The following BTBD3 variants were observed in gnomAD, a reference collection of about 807,000 sequenced individuals.
The protein encoded by BTBD3 is BTB domain containing 3, also known as BTB/POZ domain-containing protein 3.
A neutral mutation model predicts 41.6 loss-of-function variants in BTBD3; 14 were observed. That is an observed-to-expected ratio of 0.34 (90% CI 0.22 to 0.53). The LOEUF (loss-of-function observed/expected upper bound fraction) is 0.53. BTBD3 is among the 20% of genes least tolerant of loss of function. BTBD3 has a pLI of 0.95. For missense variants in BTBD3, 426 were observed against 654.7 expected, an observed-to-expected ratio of 0.65 and a Z score of 3.81; for synonymous variants, 249 against 233.7, an observed-to-expected ratio of 1.07 and a Z score of -0.60.
At chr20:11,905,457 A>G (rs767330171) in intron 1 of BTBD3, among the ~76,000 whole-genome samples, 9 of 152,222 alleles carry the variant, frequency 5.9e-5, no homozygotes, top group Non-Finnish European at 1.3e-4. Flanking sequence ...GTTTAATAAA[A>G]TCAATAATTT....
chr20:11,909,065 G>A (rs6131280), intron 1 of BTBD3, among the ~76,000 whole-genome samples: 110,474 of 151,776 alleles, frequency 0.73, 40,658 homozygotes, highest in Non-Finnish European at 0.78. Context: ...ACATGAGGTC[G>A]GGAGTTTGAG....
Position 11,918,406 on chromosome 20 carries a change from A to G in BTBD3, c.131A>G (p.Lys44Arg). The change falls in exon 1 of 4, where the codon AAG becomes AGG. Residue 44 changes from lysine (K) to arginine (R), a missense_variant. By Grantham distance (26) the Lys-to-Arg change is conservative. Around this residue, in one of 3 missense-constraint regions of BTBD3, gnomAD observed 53 missense variants for 74.8 expected, o/e 0.71. Coordinates refer to ENST00000378226, the MANE Select transcript of BTBD3 (RefSeq NM_014962.4). ...NTSSSSSNSSKLPPVCYEIIT... is the reference protein window; with the variant it reads ...NTSSSSSNSSRLPPVCYEIIT... The stretch of plus-strand genomic sequence containing the variant: ...AGCAGCAGCAGTAGCAACAGCAGCA[A>G]GTTGCCACCAGTTTGTTATGAAATA... The G allele has an allele frequency of 6.2e-7, 1 of 1,614,196 alleles. No homozygotes were observed. The highest frequency in any genetic ancestry group is 8.5e-7 in the Non-Finnish European group (1 of 1,180,028).
chr20:11,920,469 C>G (rs1006152013), intron 3 of BTBD3, among the ~76,000 whole-genome samples: 1 of 152,112 alleles, frequency 6.6e-6, no homozygotes, highest in South Asian at 2.1e-4. Flanking sequence ...GAAGAACTTT[C>G]ATTGGTAATA....
chr20:11,890,866 C>A, exon 1 of BTBD3: 16 of 985,120 alleles, frequency 1.6e-5, no homozygotes, highest in Non-Finnish European at 1.9e-5. Context: ...GGCGCTGGAT[C>A]TCCGAGTGCC....
At chr20:11,919,597 G>A in intron 2 of BTBD3, 121 bp from the exon 3 acceptor site, 1 of 1,212,834 alleles carries the variant, frequency 8.2e-7, no homozygotes, top group Non-Finnish European at 1.2e-6. Flanking sequence ...CTTTTTCAAA[G>A]CAGTAGATTT....
At chr20:11,922,386 G>C (rs994469544) in intron 3 of BTBD3, among the ~76,000 whole-genome samples, 1 of 152,150 alleles carries the variant, frequency 6.6e-6, no homozygotes, top group African/African-American at 2.4e-5. Flanking sequence ...ACTGAATGCA[G>C]CTTATAAAAT....
chr20:11,900,621 G>A (rs2056818100), intron 1 of BTBD3, among the ~76,000 whole-genome samples: 1 of 151,938 alleles, frequency 6.6e-6, no homozygotes, highest in African/African-American at 2.4e-5. Flanking sequence ...GATAGAGAAG[G>A]ACTTCTAATG....
intron 1 of BTBD3, chr20:11,891,557 G>C (rs2056754440): frequency 6.6e-6 from 1 of 152,340 alleles, no homozygotes; most frequent in Non-Finnish European, 1.5e-5. Flanking sequence ...GATGGCGGGG[G>C]CGGCTTCCTC....
upstream of BTBD3, among the ~76,000 whole-genome samples, chr20:11,916,295 AG>A (rs1288906415): frequency 1.3e-5 from 2 of 152,338 alleles, no homozygotes; most frequent in East Asian, 3.9e-4. Flanking sequence ...CTGAATAATT[AG>A]GTCAATAGGA....
intron 1 of BTBD3, chr20:11,892,455 G>A (rs964210325): frequency 2.0e-5 from 3 of 151,742 alleles, no homozygotes; most frequent in Non-Finnish European, 4.4e-5. Context: ...GGAAGTGGGC[G>A]GGTCCTCTTA....
intron 1 of BTBD3, among the ~76,000 whole-genome samples, chr20:11,907,063 C>T (rs546302562): frequency 8.8e-4 from 134 of 152,226 alleles, no homozygotes; most frequent in Non-Finnish European, 1.6e-3. Flanking sequence ...TATGCCAGGC[C>T]ATGAGTTGAG....
At chr20:11,892,170 A>C (rs542726328) in intron 1 of BTBD3, among the ~76,000 whole-genome samples, 2 of 152,304 alleles carry the variant, frequency 1.3e-5, no homozygotes, top group South Asian at 4.1e-4. Context: ...AGCGTCTCTA[A>C]CGGTTCAAAC....
upstream of BTBD3, among the ~76,000 whole-genome samples, chr20:11,916,708 A>G (rs1372580875): frequency 6.6e-6 from 1 of 152,164 alleles, no homozygotes; most frequent in Non-Finnish European, 1.5e-5. Flanking sequence ...TCAGGTAGTC[A>G]TTATTCAGAC....
At chr20:11,917,362 A>C (rs985252476), upstream of BTBD3, among the ~76,000 whole-genome samples, 2 of 152,198 alleles carry the variant, frequency 1.3e-5, no homozygotes, top group Non-Finnish European at 2.9e-5. Flanking sequence ...TTGGGAGGTA[A>C]ACTGAACACA....
At chr20:11,913,152 C>T (rs915568468), upstream of BTBD3, among the ~76,000 whole-genome samples, 3 of 152,208 alleles carry the variant, frequency 2.0e-5, no homozygotes, top group African/African-American at 4.8e-5. Flanking sequence ...CCTCTGTTAA[C>T]CTCACTGCTG....
chr20:11,921,400 A>G (rs969049891), intron 3 of BTBD3, among the ~76,000 whole-genome samples: 10 of 152,214 alleles, frequency 6.6e-5, no homozygotes. Context: ...CATTTGCTCT[A>G]GTGCTGTAGT....
At chr20:11,908,235 C>T (rs892011776) in intron 1 of BTBD3, among the ~76,000 whole-genome samples, 2 of 149,872 alleles carry the variant, frequency 1.3e-5, no homozygotes, top group East Asian at 2.0e-4. Flanking sequence ...ATTGTCCTTC[C>T]TTGGTCTGGT....
At chr20:11,901,304 T>A (rs915033145) in intron 1 of BTBD3, among the ~76,000 whole-genome samples, 6 of 152,132 alleles carry the variant, frequency 3.9e-5, no homozygotes, top group Non-Finnish European at 8.8e-5. Flanking sequence ...CTTCCTGTGG[T>A]TTTTTTGTTC....
At chr20:11,922,547 G>A in intron 3 of BTBD3, 87 bp from the exon 4 acceptor site, 1 of 1,230,048 alleles carries the variant, frequency 8.1e-7, no homozygotes, top group Non-Finnish European at 1.2e-6. Flanking sequence ...GATGTTCTCA[G>A]AACAAACTTG....
Sources: allele counts gnomAD v4.1 joint callset (sites outside exome capture counted in the v4.1 genomes callset), GRCh38; gene constraint gnomAD v4.1.1; regional missense constraint gnomAD v4.1.1; transcripts MANE v1.5; gene names NCBI Gene and HGNC (gene_info 2026-07-23, HGNC 2026-07-21).